Variants in GPC5 observed in about 807,000 individuals in gnomAD.
GPC5 encodes the protein glypican 5.
In GPC5, 47 loss-of-function variants were observed where a neutral mutation model predicts 53.9. That is an observed-to-expected ratio of 0.87 (90% CI 0.69 to 1.11). The LOEUF is 1.11. Among genes scored for constraint, GPC5 ranks in the 50% most tolerant of loss-of-function variants. The pLI is 0.00. For synonymous variants in GPC5, 286 were observed against 263.3 expected, an observed-to-expected ratio of 1.09 and a Z score of -0.84; for missense variants, 748 against 713.1, an observed-to-expected ratio of 1.05 and a Z score of -0.56.
intron 7 of GPC5, among the ~76,000 whole-genome samples, chr13:92,599,279 A>T (rs745457550): frequency 6.6e-6 from 1 of 152,200 alleles, no homozygotes; most frequent in Non-Finnish European, 1.5e-5. Flanking sequence ...CCTGAACTAT[A>T]TTTAGGGAAC....
At chr13:92,105,715 A>T (rs2041504364) in intron 6 of GPC5, among the ~76,000 whole-genome samples, 1 of 152,040 alleles carries the variant, frequency 6.6e-6, no homozygotes, top group African/African-American at 2.4e-5. Flanking sequence ...ATTGAAGTAT[A>T]AATTATATAT....
At chr13:91,728,285 A>G (rs2036618425) in intron 3 of GPC5, among the ~76,000 whole-genome samples, 1 of 152,140 alleles carries the variant, frequency 6.6e-6, no homozygotes. Flanking sequence ...GATTTTGCGT[A>G]TCTTACACAT....
chr13:92,452,148 A>T (rs1878086311), intron 7 of GPC5, among the ~76,000 whole-genome samples: 1 of 152,212 alleles, frequency 6.6e-6, no homozygotes, highest in Non-Finnish European at 1.5e-5. Context: ...CTTTATTTTT[A>T]AAAACGATGG....
intron 5 of GPC5, among the ~76,000 whole-genome samples, chr13:91,779,018 G>A (rs1336755449): frequency 6.6e-6 from 1 of 152,162 alleles, no homozygotes; most frequent in East Asian, 1.9e-4. Flanking sequence ...TAGAAATACA[G>A]CATAAAAGCT....
At chr13:92,026,160 C>T (rs1012777809) in intron 6 of GPC5, among the ~76,000 whole-genome samples, 23 of 151,984 alleles carry the variant, frequency 1.5e-4, no homozygotes, top group Non-Finnish European at 2.5e-4. Context: ...GTTCTAAATC[C>T]TTGTTTTTCT....
intron 7 of GPC5, among the ~76,000 whole-genome samples, chr13:92,532,979 T>C (rs1881613656): frequency 6.6e-6 from 1 of 152,170 alleles, no homozygotes; most frequent in Non-Finnish European, 1.5e-5. Context: ...AGTACTAACA[T>C]AATCCTTTCT....
At chr13:91,943,457 A>G (rs1226852104) in intron 6 of GPC5, among the ~76,000 whole-genome samples, 1 of 152,090 alleles carries the variant, frequency 6.6e-6, no homozygotes, top group Non-Finnish European at 1.5e-5. Context: ...GACAGTTTTC[A>G]GTGTACTGTA....
chr13:91,619,642 C>T (rs145303582), intron 2 of GPC5, among the ~76,000 whole-genome samples: 10 of 152,030 alleles, frequency 6.6e-5, no homozygotes, highest in African/African-American at 2.4e-4. Context: ...CCATGAATGT[C>T]ACACACACAC....
intron 7 of GPC5, among the ~76,000 whole-genome samples, chr13:92,671,966 C>CA (rs1886767774): frequency 6.6e-6 from 1 of 152,094 alleles, no homozygotes; most frequent in Non-Finnish European, 1.5e-5. Context: ...AAACTCATTG[C>CA]AAAATCATTG....
chr13:91,807,428 A>G, intron 5 of GPC5, among the ~76,000 whole-genome samples: 1 of 152,168 alleles, frequency 6.6e-6, no homozygotes, highest in East Asian at 1.9e-4. Context: ...GGAGTAGAAG[A>G]ATTTCTTTTC....
chr13:91,764,655 A>C (rs1035535361), intron 5 of GPC5, among the ~76,000 whole-genome samples: 1 of 152,182 alleles, frequency 6.6e-6, no homozygotes, highest in African/African-American at 2.4e-5. Context: ...TCGTCCAGTT[A>C]GGTTCTGCTT....
At chr13:92,135,074 G>T (rs1247205211) in intron 6 of GPC5, among the ~76,000 whole-genome samples, 1 of 151,982 alleles carries the variant, frequency 6.6e-6, no homozygotes, top group East Asian at 1.9e-4. Flanking sequence ...CTGCTGCAGG[G>T]TCATTATACA....
At chr13:92,309,856 T>C (rs570796763) in intron 7 of GPC5, among the ~76,000 whole-genome samples, 1 of 152,214 alleles carries the variant, frequency 6.6e-6, no homozygotes, top group South Asian at 2.1e-4. Flanking sequence ...ATTTAACCTA[T>C]TTAGCTAAAA....
intron 7 of GPC5, among the ~76,000 whole-genome samples, chr13:92,431,422 G>C (rs1877078765): frequency 7.2e-6 from 1 of 138,888 alleles, no homozygotes; most frequent in African/African-American, 2.8e-5. Context: ...AAAGTGATCA[G>C]AAAAGTCTCT....
intron 7 of GPC5, among the ~76,000 whole-genome samples, chr13:92,586,876 G>A (rs1229650355): frequency 6.6e-6 from 1 of 152,048 alleles, no homozygotes; most frequent in Non-Finnish European, 1.5e-5. Context: ...GTTCCCTAGA[G>A]CTTTCAGCAT....
intron 7 of GPC5, among the ~76,000 whole-genome samples, chr13:92,292,934 A>T (rs1452252818): frequency 6.7e-6 from 1 of 149,834 alleles, no homozygotes. Context: ...TCCTTTCCCC[A>T]CTTTATATTT....
At chr13:92,702,618 C>A (rs964989748) in intron 7 of GPC5, among the ~76,000 whole-genome samples, 1 of 152,060 alleles carries the variant, frequency 6.6e-6, no homozygotes, top group Admixed American at 6.6e-5. Flanking sequence ...CAGCTACCTC[C>A]CCAGCCCAAG....
At chr13:92,378,340 A>G (rs1024264360) in intron 7 of GPC5, among the ~76,000 whole-genome samples, 1 of 152,238 alleles carries the variant, frequency 6.6e-6, no homozygotes, top group Non-Finnish European at 1.5e-5. Flanking sequence ...GGAGTCCACT[A>G]CAAAATCCAT....
chr13:92,696,798 C>G (rs1594427742), intron 7 of GPC5, among the ~76,000 whole-genome samples: 1 of 152,022 alleles, frequency 6.6e-6, no homozygotes, highest in African/African-American at 2.4e-5. Flanking sequence ...ATGGTATTGC[C>G]TATGTTTTAT....
Sources: gnomAD v4.1 joint callset for allele counts (sites outside exome capture counted in the v4.1 genomes callset) on GRCh38, gnomAD v4.1.1 for gene constraint, MANE v1.5 for transcripts, NCBI Gene and HGNC (gene_info 2026-07-23, HGNC 2026-07-21) for gene names.